The following RESF1 variants were observed in gnomAD, a reference collection of about 807,000 sequenced individuals.
RESF1 encodes the protein gonad expressed transcript.
In RESF1, 65 loss-of-function variants were observed where a neutral mutation model predicts 134.7. That is an observed-to-expected ratio of 0.48 (90% CI 0.40 to 0.59). The LOEUF is 0.59. RESF1 is among the 20% of genes least tolerant of loss of function. The pLI is 0.00. For synonymous variants in RESF1, 762 were observed against 702.2 expected (o/e 1.09, Z -1.35); for missense variants, 2,274 against 2,002.7 (o/e 1.14, Z -2.59).
intron 5 of RESF1, among the ~76,000 whole-genome samples, chr12:31,988,137 A>G (rs975010414): frequency 1.3e-5 from 2 of 152,176 alleles, no homozygotes; most frequent in African/African-American, 2.4e-5. Context: ...CTTCAATACA[A>G]TTTAGGCAAG....
chr12:31,991,938 A>G (rs1940100607), intron 5 of RESF1, among the ~76,000 whole-genome samples: 1 of 152,260 alleles, frequency 6.6e-6, no homozygotes, highest in South Asian at 2.1e-4. Flanking sequence ...ACAGGAAACT[A>G]TAGACATGTT....
rs568441377 is a variant in RESF1 at position 31,970,992 on chromosome 12, A to G, written c.-79+636A>G. 2.0e-5 allele frequency among the ~76,000 whole-genome samples: 3 copies of G among 152,264 alleles called. No individual in the cohort carries two copies. In the South Asian group the frequency reaches 6.2e-4, roughly 32 times the overall value. ...GCCTCCAGTAAACCTTTATCAGATT[A>G]TTTCTACCTCAAGAACCTTCGTTTT... On this transcript the variant is annotated intron_variant, in intron 3 of 5. Coordinates refer to ENST00000312561, the MANE Select transcript of RESF1 (RefSeq NM_018169.4).
At position 31,985,547 on chromosome 12, in the gene RESF1, A is replaced by G. The variant is rs1203077476; in HGVS notation, c.4592A>G (p.Asn1531Ser). 5.6e-6 allele frequency: 9 copies of G among 1,597,964 alleles called. No homozygotes were observed. Among genetic ancestry groups the G allele is most frequent in the African/African-American group, 4.1e-5 (3 of 73,694 alleles). The stretch of plus-strand genomic sequence containing the variant: ...CATTCTCAGGAGTCTAAAACATACA[A>G]CATTCTAAGGAATGTTAAAGAAAAA... ...IHHSQESKTY[N>S]ILRNVKEKVG... The change falls in exon 4 of 6, where the codon AAC (asparagine) becomes AGC (serine). Residue 1531 changes from asparagine to serine, a missense_variant. Physicochemically the swap from Asn to Ser is conservative, Grantham distance 46. Transcript: ENST00000312561.
intron 2 of RESF1, among the ~76,000 whole-genome samples, chr12:31,963,116 A>G (rs1310290918): frequency 2.6e-5 from 4 of 152,176 alleles, no homozygotes; most frequent in Non-Finnish European, 4.4e-5. Context: ...CTGTAATCCC[A>G]GCACTTTGGG....
chr12:31,982,407 G>A lies in RESF1; in HGVS notation c.1452G>A (p.Met484Ile), dbSNP rs754711107. The A allele has an allele frequency of 3.1e-6, 5 of 1,614,080 alleles. No individual in the cohort carries two copies. The highest frequency in any genetic ancestry group is 4.2e-6 in the Non-Finnish European group (5 of 1,180,018). ...ESAETNKTQC[M>I]LNSDIQEVNC... Reference sequence around the variant, plus strand: ...CAGAAACAAATAAGACTCAATGTATGTTGAATTCTGACATTCAGGAAGTCA... The same window carrying A: ...CAGAAACAAATAAGACTCAATGTATATTGAATTCTGACATTCAGGAAGTCA... The change falls in exon 4 of 6, where the codon ATG becomes ATA. Residue 484 changes from methionine (M) to isoleucine (I), a missense_variant. Met to Ile is a conservative substitution (Grantham distance 10). Transcript: ENST00000312561.
At chr12:31,987,361 C>A in intron 5 of RESF1, 39 bp downstream of exon 5, 1 of 1,100,696 alleles carries the variant, frequency 9.1e-7, no homozygotes, top group South Asian at 1.3e-5. Context: ...ACTTATCTCC[C>A]TATCTGGTAT....
intron 2 of RESF1, among the ~76,000 whole-genome samples, chr12:31,966,812 C>CT (rs1215484671): frequency 1.3e-5 from 2 of 152,010 alleles, no homozygotes; most frequent in African/African-American, 4.8e-5. Context: ...ATTAGGATAT[C>CT]TGATTGGATG....
Position 31,983,991 on chromosome 12 carries a change from G to A in RESF1, c.3036G>A (p.Ser1012=), listed in dbSNP as rs755000740. The A allele has an allele frequency of 1.3e-5, 21 of 1,613,912 alleles. No individual in the cohort carries two copies. The highest frequency in any genetic ancestry group is 5.3e-5 in the African/African-American group (4 of 74,998). ...AAAGCACAGCTAACGATACGTGCTC[G>A]TCAGCTGCTATTCAGGAGGATATTT... ...TEKSTANDTC[S]SAAIQEDIYP... The change falls in exon 4 of 6, where the codon TCG becomes TCA. Residue 1012 remains serine, a synonymous_variant. Coordinates refer to ENST00000312561, the MANE Select transcript of RESF1 (RefSeq NM_018169.4).
At chr12:31,991,159 T>C (rs1359063488) in intron 5 of RESF1, among the ~76,000 whole-genome samples, 1 of 149,554 alleles carries the variant, frequency 6.7e-6, no homozygotes, top group East Asian at 2.0e-4. Flanking sequence ...GATGCAGCAC[T>C]GCACTCCAGC....
At chr12:31,980,648 CAA>C (rs1939761216) in intron 3 of RESF1, among the ~76,000 whole-genome samples, 1 of 152,134 alleles carries the variant, frequency 6.6e-6, no homozygotes, top group Non-Finnish European at 1.5e-5. Flanking sequence ...TTAAATGTAA[CAA>C]AAAGCTAGCT....
At chr12:31,977,952 T>C (rs1295858534) in intron 3 of RESF1, among the ~76,000 whole-genome samples, 1 of 151,714 alleles carries the variant, frequency 6.6e-6, no homozygotes, top group Non-Finnish European at 1.5e-5. Flanking sequence ...ACAACAGGTG[T>C]GCACACCTGG....
chr12:31,983,123 C>G lies in RESF1; in HGVS notation c.2168C>G (p.Ser723Ter). 1 of 1,610,682 alleles carries G rather than the reference C, an allele frequency of 6.2e-7. No individual in the cohort carries two copies. The highest frequency in any genetic ancestry group is 8.5e-7 in the Non-Finnish European group (1 of 1,178,844). ...VKSPCSVVGN[S>*]NSQNKISNPS... ...AGTCCTTGTTCAGTTGTGGGAAATT[C>G]AAATTCTCAGAATAAAATAAGTAAT... Residue 723 changes from serine to a stop codon, truncating the protein, a stop_gained, in exon 4 of 6, where the codon TCA becomes TGA. Transcript: ENST00000312561. LOFTEE classifies it high-confidence loss of function.
At position 31,984,570 on chromosome 12, in the gene RESF1, G is replaced by C. The variant is rs767752601; in HGVS notation, c.3615G>C (p.Glu1205Asp). ...NSSSEEEKQK[E>D]QCSPLDTNSC... ...CTTCAGAGGAAGAGAAACAAAAAGA[G>C]CAGTGTTCTCCTTTGGATACCAACA... Residue 1205 changes from glutamate to aspartate, a missense_variant, in exon 4 of 6, where the codon GAG becomes GAC. Transcript: ENST00000312561. The C allele has an allele frequency of 6.3e-7, 1 of 1,587,812 alleles. No individual in the cohort carries two copies. Among genetic ancestry groups the C allele is most frequent in the South Asian group, 1.1e-5 (1 of 86,980 alleles).
intron 2 of RESF1, among the ~76,000 whole-genome samples, chr12:31,969,881 G>A (rs1939470787): frequency 6.6e-6 from 1 of 152,176 alleles, no homozygotes; most frequent in Admixed American, 6.5e-5. Flanking sequence ...GTGAGCCACT[G>A]TGCCCAGCCT....
chr12:31,964,073 T>C (rs1939339869), intron 2 of RESF1, among the ~76,000 whole-genome samples: 1 of 152,210 alleles, frequency 6.6e-6, no homozygotes, highest in Admixed American at 6.5e-5. Context: ...TTATGATAAC[T>C]GTTTAACATT....
intron 2 of RESF1, among the ~76,000 whole-genome samples, chr12:31,967,159 G>A (rs1163159276): frequency 6.6e-6 from 1 of 152,128 alleles, no homozygotes; most frequent in South Asian, 2.1e-4. Flanking sequence ...CATCTGGCTT[G>A]GTGTCATCCC....
In RESF1 at chr12:31,967,751, C is replaced by T. The variant is rs917493514; in HGVS notation, c.-246-2438C>T. On this transcript the variant is annotated intron_variant, in intron 2 of 5. Transcript: ENST00000312561. ...GACTGGGTGCTATGGCTTGCTGCCA[C>T]CACCCAGCGTGGAAGAATATCATAC... Among the ~76,000 whole-genome samples the T allele has an allele frequency of 2.6e-5, 4 of 152,112 alleles. No individual in the cohort carries two copies. In the East Asian group the frequency reaches 5.8e-4, roughly 22 times the overall value.
chr12:31,969,766 G>A (rs1939469023), intron 2 of RESF1, among the ~76,000 whole-genome samples: 1 of 152,140 alleles, frequency 6.6e-6, no homozygotes, highest in Non-Finnish European at 1.5e-5. Flanking sequence ...CCAAGTAGCT[G>A]AGAATACAGG....
chr12:31,980,108 CTTTTTT>C lies in RESF1; in HGVS notation c.-78-755_-78-750del, dbSNP rs61587386. Reference sequence around the variant, plus strand: ...TGCTTATGCCAGAAATTTTCTTTTCCTTTTTTTTTTTTTTTTTTTTGAAACAGAGTC... The same window carrying C: ...TGCTTATGCCAGAAATTTTCTTTTCCTTTTTTTTTTTTTTGAAACAGAGTC... On this transcript the variant is annotated intron_variant, in intron 3 of 5. Coordinates refer to ENST00000312561, the MANE Select transcript of RESF1 (RefSeq NM_018169.4). 1.7e-3 allele frequency among the ~76,000 whole-genome samples: 200 copies of C among 114,416 alleles called. 1 individual carries two copies. The highest frequency in any genetic ancestry group is 5.9e-3 in the African/African-American group (183 of 30,968). The allele number at this position is 114,416 out of a possible 152,430, so 75.1% of individuals were successfully genotyped here.
Sources: allele counts gnomAD v4.1 joint callset (sites outside exome capture counted in the v4.1 genomes callset), GRCh38; gene constraint gnomAD v4.1.1; transcripts MANE v1.5; gene names NCBI Gene and HGNC (gene_info 2026-07-23, HGNC 2026-07-21).